Variants in ESR1 observed in about 807,000 individuals in gnomAD.
The protein encoded by ESR1 is estrogen receptor.
In ESR1, 12 loss-of-function variants were observed where a neutral mutation model predicts 52.7. That is an observed-to-expected ratio of 0.23 (90% CI 0.15 to 0.37). The LOEUF is 0.37. Ranked by LOEUF, ESR1 falls within the 10% of genes least tolerant of loss-of-function variation. The probability of loss-of-function intolerance (pLI) is 1.00; values close to 1 mark genes in which losing one functional copy is unlikely to be tolerated. For missense variants in ESR1, 584 were observed against 779.7 expected (o/e 0.75, Z 2.99); for synonymous variants, 305 against 316.8 (o/e 0.96, Z 0.39).
intron 6 of ESR1, among the ~76,000 whole-genome samples, chr6:152,088,354 AC>A (rs2049906954): frequency 6.6e-6 from 1 of 152,180 alleles, no homozygotes; most frequent in African/African-American, 2.4e-5. Flanking sequence ...CTAAAAACTA[AC>A]CAACCTATTT....
chr6:151,949,657 G>A lies in ESR1; in HGVS notation c.1096+5149G>A, dbSNP rs568982398. Among the ~76,000 whole-genome samples the A allele has an allele frequency of 3.2e-4, 48 of 152,338 alleles. 1 individual carries two copies. Among genetic ancestry groups the A allele is most frequent in the African/African-American group, 1.1e-3 (45 of 41,590 alleles). On this transcript the variant is annotated intron_variant, in intron 4 of 7. Coordinates refer to ENST00000206249, the MANE Select transcript of ESR1 (RefSeq NM_000125.4). ...GGCAGCCCCTCTGGACTGGCAATAT[G>A]CAGCTTTTTTGCAAGTGTTCCATGT...
At chr6:151,926,981 G>GT (rs993358860) in intron 3 of ESR1, among the ~76,000 whole-genome samples, 1 of 151,902 alleles carries the variant, frequency 6.6e-6, no homozygotes, top group Non-Finnish European at 1.5e-5. Flanking sequence ...GTTAGCTATT[G>GT]TTTTTTTAAA....
intron 1 of ESR1, among the ~76,000 whole-genome samples, chr6:151,701,484 G>T (rs550086404): frequency 1.4e-5 from 2 of 139,774 alleles, no homozygotes; most frequent in Non-Finnish European, 3.0e-5. Context: ...AGCCGAGACC[G>T]CACCGTTGCA....
At chr6:151,695,954 A>G (rs1779302359) in intron 1 of ESR1, among the ~76,000 whole-genome samples, 1 of 152,232 alleles carries the variant, frequency 6.6e-6, no homozygotes, top group African/African-American at 2.4e-5. Flanking sequence ...CAAATTTTAC[A>G]AAATTTACAA....
chr6:151,819,461 A>G (rs565838308), intron 1 of ESR1, among the ~76,000 whole-genome samples: 10 of 152,288 alleles, frequency 6.6e-5, no homozygotes, highest in African/African-American at 2.4e-4. Context: ...CATCGCTTGC[A>G]TTATGCCTGA....
chr6:152,122,767 G>A (rs2051745382), intron 6 of ESR1: 1 of 1,589,626 alleles, frequency 6.3e-7, no homozygotes, highest in Admixed American at 1.7e-5. Context: ...AAGCTAAAGG[G>A]CCATGCCAAG....
chr6:151,770,192 A>C (rs1056671983), intron 2 of ESR1, among the ~76,000 whole-genome samples: 1 of 152,206 alleles, frequency 6.6e-6, no homozygotes, highest in Admixed American at 6.5e-5. Flanking sequence ...ATGTGTTGAC[A>C]TTCTAGTAGA....
At position 151,998,999 on chromosome 6, in the gene ESR1, C is replaced by T. The variant is rs184156484; in HGVS notation, c.1097-12657C>T. 3.5e-3 allele frequency among the ~76,000 whole-genome samples: 531 copies of T among 152,180 alleles called. 3 individuals are homozygous for T. The highest frequency in any genetic ancestry group is 6.1e-3 in the Non-Finnish European group (416 of 67,978). The stretch of plus-strand genomic sequence containing the variant: ...ACAGAGTTACATCATCTGTTCCAAA[C>T]ACCCTTGTAATGGTTGTATCAGCGT... On this transcript the variant is annotated intron_variant, in intron 4 of 7. Transcript: ENST00000206249.
chr6:152,043,511 G>A (rs1002296798), intron 5 of ESR1, among the ~76,000 whole-genome samples: 1 of 152,182 alleles, frequency 6.6e-6, no homozygotes, highest in African/African-American at 2.4e-5. Flanking sequence ...GGCCTGCCGG[G>A]ACTTTAGTCT....
At chr6:152,114,067 G>C (rs1271431867) in intron 6 of ESR1, among the ~76,000 whole-genome samples, 2 of 152,220 alleles carry the variant, frequency 1.3e-5, no homozygotes, top group African/African-American at 4.8e-5. Context: ...CATAGGGAAG[G>C]TGTGGGAGGG....
chr6:151,944,107 A>AT, intron 3 of ESR1, 66 bp from the exon 4 acceptor site: 8 of 1,444,878 alleles, frequency 5.5e-6, no homozygotes, highest in Non-Finnish European at 7.7e-6. Flanking sequence ...AGCTTTGAAA[A>AT]TTTTTTGTAT....
intron 4 of ESR1, among the ~76,000 whole-genome samples, chr6:151,971,611 A>G (rs775310135): frequency 2.6e-5 from 4 of 152,224 alleles, no homozygotes; most frequent in Non-Finnish European, 5.9e-5. Context: ...GAGCTGAATG[A>G]TAATAGCGAT....
intron 4 of ESR1, among the ~76,000 whole-genome samples, chr6:151,994,787 A>C (rs2041330016): frequency 2.0e-5 from 3 of 152,204 alleles, no homozygotes; most frequent in Non-Finnish European, 4.4e-5. Context: ...CAGGAAATAG[A>C]TGCTCATTGA....
At chr6:152,046,718 G>A (rs60591437) in intron 5 of ESR1, among the ~76,000 whole-genome samples, 15,902 of 152,174 alleles carry the variant, frequency 0.1, 1,921 homozygotes, top group African/African-American at 0.3. Context: ...TTGAATGTGG[G>A]CTGAGAAGTC....
chr6:151,780,014 C>G (rs1583252745), intron 2 of ESR1, among the ~76,000 whole-genome samples: 1 of 151,722 alleles, frequency 6.6e-6, no homozygotes, highest in East Asian at 1.9e-4. Flanking sequence ...AGCTGGAAAC[C>G]ATCATTCTCA....
intron 6 of ESR1, among the ~76,000 whole-genome samples, chr6:152,082,391 G>A (rs181586038): frequency 2.2e-4 from 34 of 152,192 alleles, no homozygotes; most frequent in African/African-American, 8.2e-4. Flanking sequence ...ATGCAGAAAA[G>A]GCCTTTGACA....
intron 4 of ESR1, among the ~76,000 whole-genome samples, chr6:151,957,809 C>T (rs1454931842): frequency 2.0e-5 from 3 of 152,190 alleles, no homozygotes; most frequent in Non-Finnish European, 4.4e-5. Context: ...AAGATAAAGC[C>T]TTGGCATAAC....
At chr6:151,863,552 A>G (rs1789278356) in intron 2 of ESR1, among the ~76,000 whole-genome samples, 1 of 152,302 alleles carries the variant, frequency 6.6e-6, no homozygotes, top group South Asian at 2.1e-4. Context: ...GGCTGAGACG[A>G]TGGAGTTTTC....
intron 3 of ESR1, among the ~76,000 whole-genome samples, chr6:151,911,079 C>T (rs576948805): frequency 3.3e-5 from 5 of 152,264 alleles, no homozygotes; most frequent in South Asian, 4.1e-4. Flanking sequence ...CAGTAATGCT[C>T]GCTCACTGCT....
Sources: allele counts gnomAD v4.1 joint callset (sites outside exome capture counted in the v4.1 genomes callset), GRCh38; gene constraint gnomAD v4.1.1; transcripts MANE v1.5; gene names NCBI Gene and HGNC (gene_info 2026-07-23, HGNC 2026-07-21).